The following ZNF385D variants were observed in gnomAD, a reference collection of about 807,000 sequenced individuals.
ZNF385D encodes zinc finger protein 659.
In ZNF385D, 15 loss-of-function variants were observed where a neutral mutation model predicts 35.8. The ratio of observed to expected loss-of-function variants is 0.42; its 90% CI spans 0.28 to 0.64. The LOEUF is 0.64. Among genes scored for constraint, ZNF385D ranks in the 30% least tolerant of loss-of-function variants. The pLI is 0.23. For synonymous variants in ZNF385D, 212 were observed against 186.8 expected (o/e 1.13, Z -1.10); for missense variants, 474 against 494.6 (o/e 0.96, Z 0.39).
At chr3:22,068,922 T>C (rs1054787858) in intron 3 of ZNF385D, among the ~76,000 whole-genome samples, 2 of 152,166 alleles carry the variant, frequency 1.3e-5, no homozygotes, top group South Asian at 4.1e-4. Flanking sequence ...GGAAGGTGTC[T>C]CAGGATTGGT....
chr3:22,136,798 A>C (rs1297260399), intron 3 of ZNF385D, among the ~76,000 whole-genome samples: 2 of 152,140 alleles, frequency 1.3e-5, no homozygotes, highest in African/African-American at 2.4e-5. Flanking sequence ...ACATGGAGGA[A>C]ACTTAAGTGC....
chr3:22,244,364 TAAAAAAAAAAAAAA>T (rs34497539), intron 2 of ZNF385D, among the ~76,000 whole-genome samples: 2 of 62,558 alleles, frequency 3.2e-5, no homozygotes, highest in South Asian at 1.0e-3. Context: ...CAACCGAATG[TAAAAAAAAAAAAAA>T]AAAAAAAAAA....
At chr3:22,107,046 CAG>C (rs1257189650) in intron 3 of ZNF385D, among the ~76,000 whole-genome samples, 2 of 40,026 alleles carry the variant, frequency 5.0e-5, no homozygotes, top group Non-Finnish European at 1.2e-4. Context: ...TTTTTTTAGA[CAG>C]AGTTTTGCTC....
intron 3 of ZNF385D, among the ~76,000 whole-genome samples, chr3:22,106,257 C>A (rs1354588945): frequency 2.0e-5 from 3 of 152,100 alleles, no homozygotes; most frequent in Non-Finnish European, 4.4e-5. Flanking sequence ...TTCCCAGTAA[C>A]AAACCTATGC....
chr3:22,090,693 C>T (rs913322078), intron 3 of ZNF385D, among the ~76,000 whole-genome samples: 1 of 151,944 alleles, frequency 6.6e-6, no homozygotes, highest in Non-Finnish European at 1.5e-5. Context: ...ATTTAGGGTA[C>T]CAATTGAAAA....
chr3:21,936,647 C>T (rs111632313), intron 3 of ZNF385D, among the ~76,000 whole-genome samples: 1 of 152,044 alleles, frequency 6.6e-6, no homozygotes, highest in Non-Finnish European at 1.5e-5. Context: ...ACATAAACTT[C>T]ATCTTATTTT....
intron 3 of ZNF385D, among the ~76,000 whole-genome samples, chr3:21,838,642 A>G (rs1695474978): frequency 6.6e-6 from 1 of 152,084 alleles, no homozygotes; most frequent in African/African-American, 2.4e-5. Context: ...TGTTTAAAGG[A>G]TAGCAAACTG....
At chr3:21,988,123 C>A (rs1475134746) in intron 3 of ZNF385D, among the ~76,000 whole-genome samples, 1 of 126,018 alleles carries the variant, frequency 7.9e-6, no homozygotes, top group Non-Finnish European at 1.7e-5. Flanking sequence ...AATGTCCTCC[C>A]GTAGCTCAGA....
chr3:22,272,033 T>A (rs556480066), intron 2 of ZNF385D, among the ~76,000 whole-genome samples: 1 of 152,008 alleles, frequency 6.6e-6, no homozygotes, highest in Non-Finnish European at 1.5e-5. Flanking sequence ...GGTGCCGATA[T>A]TTTTGGATAA....
intron 3 of ZNF385D, among the ~76,000 whole-genome samples, chr3:21,969,405 G>C (rs146493184): frequency 1.1e-4 from 17 of 152,038 alleles, no homozygotes; most frequent in Non-Finnish European, 2.1e-4. Flanking sequence ...CTCTTTGCTC[G>C]GCACTTTTCC....
chr3:21,978,415 T>C (rs1473256721), intron 3 of ZNF385D: 1 of 152,218 alleles, frequency 6.6e-6, no homozygotes, highest in Non-Finnish European at 1.5e-5. Context: ...CTTTTTAATT[T>C]ATTTATTTTT....
At chr3:21,711,417 T>TA (rs2068104574) in intron 1 of ZNF385D, among the ~76,000 whole-genome samples, 1 of 152,228 alleles carries the variant, frequency 6.6e-6, no homozygotes, top group Non-Finnish European at 1.5e-5. Context: ...ATTCTATTAA[T>TA]AAGTTTGTAA....
At chr3:21,991,530 TTG>T (rs1252441338) in intron 3 of ZNF385D, among the ~76,000 whole-genome samples, 1 of 152,228 alleles carries the variant, frequency 6.6e-6, no homozygotes. Flanking sequence ...TCTTAATATT[TTG>T]TGTTATTCCC....
chr3:21,679,018 C>T (rs1325576962), intron 1 of ZNF385D, among the ~76,000 whole-genome samples: 1 of 151,894 alleles, frequency 6.6e-6, no homozygotes. Context: ...CCCCCAACCC[C>T]ATCCACTTAG....
At chr3:22,011,321 C>T (rs1289293227) in intron 3 of ZNF385D, among the ~76,000 whole-genome samples, 1 of 151,990 alleles carries the variant, frequency 6.6e-6, no homozygotes, top group African/African-American at 2.4e-5. Flanking sequence ...AAAAAAAGAT[C>T]ATGCTTATTT....
chr3:22,154,322 C>G (rs1445431268), intron 3 of ZNF385D, among the ~76,000 whole-genome samples: 1 of 152,160 alleles, frequency 6.6e-6, no homozygotes, highest in Non-Finnish European at 1.5e-5. Context: ...TACCCTGAGT[C>G]TCTGCTACAT....
intron 3 of ZNF385D, among the ~76,000 whole-genome samples, chr3:21,796,713 G>A (rs1349101541): frequency 2.6e-5 from 4 of 152,156 alleles, no homozygotes; most frequent in East Asian, 1.9e-4. Flanking sequence ...GTTTGATGAT[G>A]GCCATTTTGT....
intron 3 of ZNF385D, among the ~76,000 whole-genome samples, chr3:21,795,523 G>A (rs1008297010): frequency 6.6e-6 from 1 of 152,208 alleles, no homozygotes; most frequent in Non-Finnish European, 1.5e-5. Context: ...ATGTCACCCG[G>A]GGAGAAAACA....
At chr3:21,501,168 G>A (rs1018540637) in intron 4 of ZNF385D, among the ~76,000 whole-genome samples, 24 of 152,204 alleles carry the variant, frequency 1.6e-4, no homozygotes, top group African/African-American at 5.3e-4. Context: ...GCTGGTTTCC[G>A]TTCAATTTGG....
Sources: allele counts gnomAD v4.1 joint callset (sites outside exome capture counted in the v4.1 genomes callset), GRCh38; gene constraint gnomAD v4.1.1; transcripts MANE v1.5; gene names NCBI Gene and HGNC (gene_info 2026-07-23, HGNC 2026-07-21).